THSD4: variants seen among roughly 807,000 people sequenced by gnomAD.
THSD4 encodes thrombospondin type-1 domain-containing protein 4.
A neutral mutation model predicts 119.0 loss-of-function variants in THSD4; 69 were observed. That is an observed-to-expected ratio of 0.58 (90% confidence interval 0.48 to 0.71). The LOEUF (loss-of-function observed/expected upper bound fraction) is 0.71. Ranked by LOEUF, THSD4 falls within the 30% of genes least tolerant of loss-of-function variation. The probability of loss-of-function intolerance (pLI) is 0.00; values close to 1 mark genes in which losing one functional copy is unlikely to be tolerated. For missense variants in THSD4, 1,393 were observed against 1,391.1 expected (o/e 1.00, Z -0.02); for synonymous variants, 524 against 540.4 (o/e 0.97, Z 0.42).
chr15:71,320,422 A>G (rs1465705504), intron 6 of THSD4, among the ~76,000 whole-genome samples: 1 of 152,146 alleles, frequency 6.6e-6, no homozygotes, highest in Non-Finnish European at 1.5e-5. Context: ...TCCTTTTTTG[A>G]TGAGGATACT....
chr15:71,419,465 T>A lies in THSD4; in HGVS notation c.1152+7642T>A, dbSNP rs1287499334. ...CTTCTCCTGCCTTGGCCTCCCAAAG[T>A]GCTGGGATATAGGCATGAGCACCAT... is the stretch of plus-strand genomic sequence containing the variant. On this transcript the variant is annotated intron_variant, in intron 7 of 17. Transcript: ENST00000261862. Among the ~76,000 whole-genome samples, 2 of 108,374 alleles carry A rather than the reference T, an allele frequency of 1.8e-5. 1 individual carries two copies. Among genetic ancestry groups the A allele is most frequent in the African/African-American group, 6.3e-5 (2 of 31,850 alleles). 71.1% of individuals were successfully genotyped at this position (108,374 alleles called of 152,430 possible). A position where few individuals can be genotyped will look rare whatever the true frequency, so the allele number is the denominator to read the frequency against.
At chr15:71,139,040 T>G (rs2040577925) in intron 1 of THSD4, among the ~76,000 whole-genome samples, 1 of 150,016 alleles carries the variant, frequency 6.7e-6, no homozygotes, top group Admixed American at 6.6e-5. Flanking sequence ...TAAATGTGAA[T>G]GCTAGCCTCA....
intron 6 of THSD4, among the ~76,000 whole-genome samples, chr15:71,379,704 C>T (rs1016958296): frequency 3.3e-5 from 5 of 151,620 alleles, no homozygotes; most frequent in African/African-American, 7.3e-5. Flanking sequence ...GTGATCCACC[C>T]GCCTCGGCCT....
intron 7 of THSD4, among the ~76,000 whole-genome samples, chr15:71,533,775 G>A (rs2048649345): frequency 6.6e-6 from 1 of 152,188 alleles, no homozygotes; most frequent in Admixed American, 6.5e-5. Flanking sequence ...AAGGTTGTGA[G>A]AAGAACTCAA....
intron 3 of THSD4, among the ~76,000 whole-genome samples, chr15:71,210,662 A>AT (rs1351570176): frequency 6.6e-6 from 1 of 152,288 alleles, no homozygotes; most frequent in Admixed American, 6.5e-5. Flanking sequence ...AATATCAGTG[A>AT]TTTTTTAATG....
At position 71,215,334 on chromosome 15, in the gene THSD4, C is replaced by T. The variant is rs761163136; in HGVS notation, c.399C>T (p.Gly133=). 61 of 1,530,794 alleles carry T rather than the reference C, an allele frequency of 4.0e-5. 1 individual carries two copies. The African/African-American group carries it at 7.3e-4, about 18-fold the overall frequency. 94.8% of individuals were successfully genotyped at this position (1,530,794 alleles called of 1,614,324 possible). ...ALAGTDASRQ[G]PTVLRGSRHP... is the part of the protein sequence containing the mutation. ...CCGGTACGGACGCCAGCCGCCAGGG[C>T]CCCACGGTGCTGCGAGGCAGCCGGC... is the stretch of plus-strand genomic sequence containing the variant. The change falls in exon 4 of 18, where the codon GGC becomes GGT. Residue 133 remains glycine (G), a synonymous_variant. Transcript: ENST00000261862.
intron 3 of THSD4, among the ~76,000 whole-genome samples, chr15:71,177,932 T>C (rs1322803797): frequency 1.5e-5 from 2 of 135,958 alleles, no homozygotes; most frequent in African/African-American, 5.3e-5. Context: ...TTTGACAAAA[T>C]TCAACAACCC....
chr15:71,541,557 C>T (rs977192349), intron 7 of THSD4, among the ~76,000 whole-genome samples: 1 of 152,228 alleles, frequency 6.6e-6, no homozygotes, highest in Non-Finnish European at 1.5e-5. Flanking sequence ...GGTAATCACA[C>T]CTCTGAGCAT....
chr15:71,282,233 C>G (rs1774040551), intron 6 of THSD4, among the ~76,000 whole-genome samples: 1 of 152,150 alleles, frequency 6.6e-6, no homozygotes. Flanking sequence ...GACTATTGCG[C>G]ATTTTCCCAA....
intron 7 of THSD4, among the ~76,000 whole-genome samples, chr15:71,648,693 G>A (rs1051028132): frequency 1.3e-5 from 2 of 152,126 alleles, no homozygotes; most frequent in African/African-American, 4.8e-5. Flanking sequence ...GAAAAGAAAG[G>A]GGGGTTTTGG....
At chr15:71,421,349 G>GTT (rs879682602) in intron 7 of THSD4, among the ~76,000 whole-genome samples, 34,617 of 95,526 alleles carry the variant, frequency 0.36, 7,288 homozygotes, top group Admixed American at 0.45. Flanking sequence ...TTGTAGGATA[G>GTT]GGCTTGTGTT....
intron 6 of THSD4, among the ~76,000 whole-genome samples, chr15:71,323,284 G>A (rs909471413): frequency 7.9e-5 from 12 of 152,118 alleles, no homozygotes; most frequent in African/African-American, 2.7e-4. Flanking sequence ...TTCAGAAGCT[G>A]ACTACCACAA....
chr15:71,133,000 G>A (rs369444707), intron 1 of THSD4, among the ~76,000 whole-genome samples: 23 of 152,290 alleles, frequency 1.5e-4, no homozygotes, highest in East Asian at 7.7e-4. Flanking sequence ...GAATGAGATG[G>A]GTCATCATCT....
At chr15:71,741,946 G>A (rs1054751301) in intron 11 of THSD4, among the ~76,000 whole-genome samples, 2 of 152,202 alleles carry the variant, frequency 1.3e-5, no homozygotes, top group African/African-American at 2.4e-5. Flanking sequence ...CCTCTCCTTT[G>A]CTCTGTCCCA....
chr15:71,256,748 T>A, intron 6 of THSD4, 33 bp downstream of exon 6: 21 of 1,583,430 alleles, frequency 1.3e-5, no homozygotes, highest in Non-Finnish European at 1.6e-5. Flanking sequence ...CCATAGAAGT[T>A]ACTTTAGTCT....
intron 8 of THSD4, among the ~76,000 whole-genome samples, chr15:71,693,965 A>G (rs1205975889): frequency 6.6e-6 from 1 of 151,942 alleles, no homozygotes; most frequent in Non-Finnish European, 1.5e-5. Context: ...TGAGAACAGA[A>G]TCATATACCA....
At chr15:71,555,144 G>A (rs1446524966) in intron 7 of THSD4, among the ~76,000 whole-genome samples, 2 of 152,192 alleles carry the variant, frequency 1.3e-5, no homozygotes, top group East Asian at 3.8e-4. Context: ...ACTTTGAGAG[G>A]TGCTTGCTAG....
chr15:71,586,650 G>A (rs2049676776), intron 7 of THSD4, among the ~76,000 whole-genome samples: 1 of 152,176 alleles, frequency 6.6e-6, no homozygotes, highest in Admixed American at 6.5e-5. Flanking sequence ...TTAATCATGT[G>A]ATTAGGTCAG....
chr15:71,481,787 A>C (rs570388327), intron 7 of THSD4, among the ~76,000 whole-genome samples: 93 of 152,356 alleles, frequency 6.1e-4, no homozygotes, highest in African/African-American at 2.1e-3. Flanking sequence ...CACCTTATTA[A>C]GTGATCAATC....
Sources: gnomAD v4.1 joint callset for allele counts (sites outside exome capture counted in the v4.1 genomes callset) on GRCh38, gnomAD v4.1.1 for gene constraint, MANE v1.5 for transcripts, NCBI Gene and HGNC (gene_info 2026-07-23, HGNC 2026-07-21) for gene names.